The following SYT1 variants were observed in gnomAD, a reference collection of about 807,000 sequenced individuals.
The protein encoded by SYT1 is synaptotagmin 1, also known as synaptotagmin-1.
A neutral mutation model predicts 44.8 loss-of-function variants in SYT1; 8 were observed. That is an observed-to-expected ratio of 0.18 (90% CI 0.10 to 0.32). The LOEUF (loss-of-function observed/expected upper bound fraction) is 0.32, where lower values mean the gene tolerates loss of function less well. SYT1 is among the 10% of genes least tolerant of loss of function. The pLI is 1.00. For synonymous variants in SYT1, 154 were observed against 188.8 expected (o/e 0.82, Z 1.51); for missense variants, 286 against 509.3 (o/e 0.56, Z 4.22).
rs1163498493 is a variant in SYT1, at chr12:79,383,559, C to T, written c.928+29940C>T. Among the ~76,000 whole-genome samples the T allele has an allele frequency of 2.6e-5, 4 of 152,056 alleles. No homozygotes were observed. In the East Asian group the frequency reaches 7.7e-4, roughly 29 times the overall value. On this transcript the variant is annotated intron_variant, in intron 9 of 10. Coordinates refer to ENST00000261205, the MANE Select transcript of SYT1 (RefSeq NM_005639.3). The stretch of plus-strand genomic sequence containing the variant: ...TCCTAAAAACAAAACAAAAGAAAAT[C>T]TCCTTTTGCTTTTCTAACTACCCTT...
intron 4 of SYT1, among the ~76,000 whole-genome samples, chr12:79,250,357 T>C (rs1182069671): frequency 2.0e-5 from 3 of 152,228 alleles, no homozygotes; most frequent in Non-Finnish European, 4.4e-5. Flanking sequence ...AATTCCGGTA[T>C]GTAAACATAT....
intron 4 of SYT1, among the ~76,000 whole-genome samples, chr12:79,279,733 T>C (rs1878939193): frequency 6.6e-6 from 1 of 152,002 alleles, no homozygotes; most frequent in Admixed American, 6.6e-5. Context: ...TGGCTGTTGA[T>C]ATAAATGTAT....
chr12:79,127,129 C>T (rs1031419956), intron 3 of SYT1, among the ~76,000 whole-genome samples: 1 of 152,212 alleles, frequency 6.6e-6, no homozygotes, highest in Non-Finnish European at 1.5e-5. Flanking sequence ...TGATCTTCCA[C>T]TGAAAGCAGA....
intron 10 of SYT1, among the ~76,000 whole-genome samples, chr12:79,446,329 TTAGAAAA>T (rs1404422136): frequency 1.3e-5 from 2 of 151,928 alleles, no homozygotes; most frequent in Admixed American, 6.6e-5. Flanking sequence ...TAACATTTTA[TTAGAAAA>T]TAGATCTAAC....
intron 1 of SYT1, among the ~76,000 whole-genome samples, chr12:78,880,750 A>G (rs1874410548): frequency 6.6e-6 from 1 of 151,516 alleles, no homozygotes; most frequent in South Asian, 2.1e-4. Context: ...TTTTTTGTAG[A>G]CTAAGTTATA....
chr12:79,337,798 T>G (rs1882160996), intron 8 of SYT1, among the ~76,000 whole-genome samples: 1 of 152,202 alleles, frequency 6.6e-6, no homozygotes, highest in Admixed American at 6.5e-5. Context: ...TCTGCATTGT[T>G]ATTTAGAAAT....
chr12:79,068,808 G>A (rs750866806), intron 3 of SYT1, among the ~76,000 whole-genome samples: 4 of 152,100 alleles, frequency 2.6e-5, no homozygotes, highest in Non-Finnish European at 4.4e-5. Context: ...GAACTCAGGA[G>A]TTCATGAGCA....
rs373590208 is a variant in SYT1 at position 79,010,280 on chromosome 12, G to A, written c.-84+32349G>A. Among the ~76,000 whole-genome samples the A allele has an allele frequency of 2.0e-4, 30 of 152,224 alleles. 1 individual carries two copies. Among genetic ancestry groups the A allele is most frequent in the African/African-American group, 7.2e-4 (30 of 41,558 alleles). On this transcript the variant is annotated intron_variant, in intron 2 of 10. Transcript: ENST00000261205. ...AAGTTCAAGATTAGAGTAAAGAGGT[G>A]TCTCCAGCTTCTCTCAGAAAATAAA...
rs58983623 is a variant in SYT1 at position 79,249,088 on chromosome 12, C to CTTTTTTTTTTTTTTTTTTTT, written c.166+31411_166+31430dup. ...TATTCCCTCTTCTCTTTACCTCTTT[C>CTTTTTTTTTTTTTTTTTTTT]TTTTTTTTTTTTTTTTTTTTTTTTT... On this transcript the variant is annotated intron_variant, in intron 4 of 10. Coordinates refer to ENST00000261205, the MANE Select transcript of SYT1 (RefSeq NM_005639.3). Among the ~76,000 whole-genome samples the CTTTTTTTTTTTTTTTTTTTT allele has an allele frequency of 2.8e-5, 2 of 71,816 alleles. 1 individual carries two copies. The highest frequency in any genetic ancestry group is 1.2e-4 in the African/African-American group (2 of 16,216). The allele number at this position is 71,816 out of a possible 152,430, so 47.1% of individuals were successfully genotyped here. A position where few individuals can be genotyped will look rare whatever the true frequency, so the allele number is the denominator to read the frequency against.
rs141899949 is a variant in SYT1, at chr12:79,272,786, G to A, written c.167-13001G>A. 4.4e-3 allele frequency among the ~76,000 whole-genome samples: 675 copies of A among 152,074 alleles called. 1 individual carries two copies. Among genetic ancestry groups the A allele is most frequent in the African/African-American group, 0.015 (642 of 41,450 alleles). On this transcript the variant is annotated intron_variant, in intron 4 of 10. Coordinates refer to ENST00000261205, the MANE Select transcript of SYT1 (RefSeq NM_005639.3). The stretch of plus-strand genomic sequence containing the variant: ...CCTTGAGAATAGAAAGGGAAGGAGA[G>A]GGGAAAAATGTAGAGATGTAGCAGA...
In SYT1 at chr12:79,217,829, A is replaced by G. The variant is rs1015555626; in HGVS notation, c.166+144A>G. ...GGGAATGATAGTATCCCAATATAAAATGAAATATTCTTGGAAATGGAATAT... is the reference window on the plus strand; with the variant it reads ...GGGAATGATAGTATCCCAATATAAAGTGAAATATTCTTGGAAATGGAATAT... On this transcript the variant is annotated intron_variant, in intron 4 of 10. Transcript: ENST00000261205. 32 of 574,336 alleles carry G rather than the reference A, an allele frequency of 5.6e-5. No homozygotes were observed. The East Asian group carries it at 1.1e-3, about 20-fold the overall frequency. 35.6% of individuals were successfully genotyped at this position (574,336 alleles called of 1,614,324 possible).
chr12:79,281,447 C>A (rs1211635996), intron 4 of SYT1, among the ~76,000 whole-genome samples: 2 of 152,132 alleles, frequency 1.3e-5, no homozygotes, highest in African/African-American at 4.8e-5. Flanking sequence ...AAACCAAAAA[C>A]TGCATATTCT....
intron 9 of SYT1, among the ~76,000 whole-genome samples, chr12:79,387,596 A>T (rs980347278): frequency 6.6e-6 from 1 of 152,274 alleles, no homozygotes; most frequent in Non-Finnish European, 1.5e-5. Flanking sequence ...GTTAAATAAC[A>T]TTTCAAATAT....
At chr12:79,314,579 G>A (rs776702755) in intron 8 of SYT1, among the ~76,000 whole-genome samples, 11 of 152,168 alleles carry the variant, frequency 7.2e-5, no homozygotes, top group Non-Finnish European at 8.8e-5. Context: ...GCAAGTGTTG[G>A]CAAAGATGTG....
rs539157765 is a variant in SYT1, at chr12:78,943,158, A to G, written c.-216-34641A>G. 9.9e-5 allele frequency among the ~76,000 whole-genome samples: 15 copies of G among 152,240 alleles called. No individual in the cohort carries two copies. In the South Asian group the frequency reaches 3.1e-3, roughly 32 times the overall value. The stretch of plus-strand genomic sequence containing the variant: ...CAAGTGGCTAGTTCTTCGGTCATCT[A>G]TTACTTCTTTTATCCCATCTGTGGT... On this transcript the variant is annotated intron_variant, in intron 1 of 10. Transcript: ENST00000261205.
chr12:79,397,925 C>T (rs1884933708), intron 9 of SYT1, among the ~76,000 whole-genome samples: 1 of 152,156 alleles, frequency 6.6e-6, no homozygotes, highest in Admixed American at 6.5e-5. Flanking sequence ...AGGTTCCTGA[C>T]ATTTTTGTGT....
intron 4 of SYT1, among the ~76,000 whole-genome samples, chr12:79,246,605 G>A (rs1255138319): frequency 1.3e-5 from 2 of 152,146 alleles, no homozygotes; most frequent in Admixed American, 6.5e-5. Flanking sequence ...CTCACACGGT[G>A]GCAGGTGGAA....
chr12:79,090,484 T>A (rs1446058569), intron 3 of SYT1, among the ~76,000 whole-genome samples: 5 of 151,952 alleles, frequency 3.3e-5, no homozygotes, highest in African/African-American at 1.2e-4. Context: ...TACTCCCTCA[T>A]TCCTGAAGAA....
chr12:79,389,963 T>C (rs151200829), intron 9 of SYT1, among the ~76,000 whole-genome samples: 1 of 151,886 alleles, frequency 6.6e-6, no homozygotes, highest in Non-Finnish European at 1.5e-5. Flanking sequence ...GACGGAGTCT[T>C]GCTCTGTTGC....
Sources: allele counts gnomAD v4.1 joint callset (sites outside exome capture counted in the v4.1 genomes callset), GRCh38; gene constraint gnomAD v4.1.1; transcripts MANE v1.5; gene names NCBI Gene and HGNC (gene_info 2026-07-23, HGNC 2026-07-21).